MAGI2: variants seen among roughly 807,000 people sequenced by gnomAD.
The protein encoded by MAGI2 is membrane associated guanylate kinase, WW and PDZ domain containing 2, also known as membrane-associated guanylate kinase, WW and PDZ domain-containing protein 2.
Under a neutral mutation model 133.3 loss-of-function variants are expected in MAGI2, and 35 were observed. The observed-to-expected ratio is 0.26, with a 90% CI of 0.20 to 0.35. The LOEUF (loss-of-function observed/expected upper bound fraction) is 0.35, where lower values mean the gene tolerates loss of function less well. Ranked by LOEUF, MAGI2 falls within the 10% of genes least tolerant of loss-of-function variation. MAGI2 has a pLI of 1.00. For missense variants in MAGI2, 1,636 were observed against 1,863.4 expected, an observed-to-expected ratio of 0.88 and a Z score of 2.25; for synonymous variants, 729 against 710.6, an observed-to-expected ratio of 1.03 and a Z score of -0.41.
At chr7:79,200,698 G>A (rs570130619) in intron 1 of MAGI2, among the ~76,000 whole-genome samples, 41 of 151,778 alleles carry the variant, frequency 2.7e-4, no homozygotes, top group African/African-American at 9.7e-4. Context: ...TTGTTCCATT[G>A]AGAATATGGT....
rs1459723758 is a variant in MAGI2 at position 78,058,449 on chromosome 7, T to G, written c.3706+20498A>C. Among the ~76,000 whole-genome samples the G allele has an allele frequency of 2.2e-4, 34 of 151,444 alleles. 1 individual carries two copies. Among genetic ancestry groups the G allele is most frequent in the Admixed American group, 2.2e-3 (34 of 15,176 alleles). ...TGCAGTTGCTTGTTGTGAATCACTA[T>G]TTGAATGTTCACATACATCTTAAAA... is the stretch of plus-strand genomic sequence containing the variant. On this transcript the variant is annotated intron_variant, in intron 21 of 21. Coordinates refer to ENST00000354212, the MANE Select transcript of MAGI2 (RefSeq NM_012301.4).
chr7:79,283,790 T>C (rs1156342210), intron 1 of MAGI2, among the ~76,000 whole-genome samples: 2 of 152,162 alleles, frequency 1.3e-5, no homozygotes, highest in African/African-American at 2.4e-5. Flanking sequence ...TTTCTTTGGC[T>C]ACTTCCATGC....
At chr7:78,258,016 C>T (rs1334471368) in intron 9 of MAGI2, among the ~76,000 whole-genome samples, 2 of 152,186 alleles carry the variant, frequency 1.3e-5, no homozygotes, top group African/African-American at 4.8e-5. Flanking sequence ...AAACAATTAA[C>T]AGCATTGTCT....
chr7:78,692,077 T>TA (rs1563361821), intron 2 of MAGI2, among the ~76,000 whole-genome samples: 2 of 152,052 alleles, frequency 1.3e-5, no homozygotes, highest in African/African-American at 2.4e-5. Flanking sequence ...ATAAGGTCTT[T>TA]AAAAAAATCA....
rs556659887 is a variant in MAGI2, at chr7:79,245,557, G to T, written c.301+207463C>A. Among the ~76,000 whole-genome samples, 4 of 152,328 alleles carry T rather than the reference G, an allele frequency of 2.6e-5. No homozygotes were observed. In the South Asian group the frequency reaches 8.3e-4, roughly 32 times the overall value. Reference sequence around the variant, plus strand: ...GGAGACCCCTCTGCATGTGGAAAGGGATGGTAATAATGGGAAGGACTTTAT... The same window carrying T: ...GGAGACCCCTCTGCATGTGGAAAGGTATGGTAATAATGGGAAGGACTTTAT... On this transcript the variant is annotated intron_variant, in intron 1 of 21. Coordinates refer to ENST00000354212, the MANE Select transcript of MAGI2 (RefSeq NM_012301.4).
At chr7:78,534,482 T>C (rs1456828847) in intron 3 of MAGI2, among the ~76,000 whole-genome samples, 9 of 152,220 alleles carry the variant, frequency 5.9e-5, no homozygotes. Context: ...TATGTGTGTG[T>C]GCGTGTGCTC....
At chr7:78,541,420 C>G (rs1357574297) in intron 3 of MAGI2, among the ~76,000 whole-genome samples, 1 of 152,128 alleles carries the variant, frequency 6.6e-6, no homozygotes, top group African/African-American at 2.4e-5. Flanking sequence ...GTTTTCCCAG[C>G]CTCTAGAACA....
rs1426845082 is a variant in MAGI2 at position 78,131,151 on chromosome 7, G to C, written c.3203+1738C>G. Among the ~76,000 whole-genome samples the C allele has an allele frequency of 2.0e-5, 3 of 152,228 alleles. No individual in the cohort carries two copies. In the East Asian group the frequency reaches 5.8e-4, roughly 29 times the overall value. On this transcript the variant is annotated intron_variant, in intron 18 of 21. Transcript: ENST00000354212. ...CCTCTTGAGTCTAAGATGAATTCTG[G>C]GGAAAGCCAGTGCAATCTGTTGAAG...
intron 10 of MAGI2, among the ~76,000 whole-genome samples, chr7:78,202,454 G>T (rs1026437241): frequency 3.9e-5 from 6 of 151,902 alleles, no homozygotes; most frequent in African/African-American, 1.5e-4. Flanking sequence ...AGGCCGAGGC[G>T]GGCGGATTAC....
intron 18 of MAGI2, among the ~76,000 whole-genome samples, chr7:78,132,156 T>C (rs559510349): frequency 2.0e-4 from 30 of 152,302 alleles, no homozygotes; most frequent in African/African-American, 7.2e-4. Context: ...ATTATAGGCG[T>C]GAGCCACCAC....
At chr7:79,028,336 T>TACAC (rs748319312) in intron 1 of MAGI2, among the ~76,000 whole-genome samples, 1,578 of 124,444 alleles carry the variant, frequency 0.013, 76 homozygotes, top group African/African-American at 0.048. Flanking sequence ...TACATATATA[T>TACAC]ACACACACAC....
At chr7:78,592,098 A>G (rs1455074325) in intron 3 of MAGI2, among the ~76,000 whole-genome samples, 2 of 152,208 alleles carry the variant, frequency 1.3e-5, no homozygotes, top group African/African-American at 4.8e-5. Flanking sequence ...CATCTCACTA[A>G]TAGGGGTTCC....
At chr7:78,951,267 C>G (rs936637788) in intron 2 of MAGI2, among the ~76,000 whole-genome samples, 2 of 152,054 alleles carry the variant, frequency 1.3e-5, no homozygotes, top group African/African-American at 2.4e-5. Flanking sequence ...CTGCCACACC[C>G]GGCTGATGTT....
intron 2 of MAGI2, among the ~76,000 whole-genome samples, chr7:78,767,157 T>C (rs934078892): frequency 1.5e-4 from 23 of 151,908 alleles, no homozygotes; most frequent in Admixed American, 1.4e-3. Flanking sequence ...ACCTGGCTAA[T>C]TGTTTTGTAT....
At chr7:79,449,422 T>C (rs566402518) in intron 1 of MAGI2, among the ~76,000 whole-genome samples, 185 of 151,942 alleles carry the variant, frequency 1.2e-3, no homozygotes, top group African/African-American at 3.8e-3. Context: ...CCAGGTTATG[T>C]AGGTCTCTAT....
At chr7:79,444,835 A>C (rs1309366986) in intron 1 of MAGI2, among the ~76,000 whole-genome samples, 1 of 152,228 alleles carries the variant, frequency 6.6e-6, no homozygotes, top group African/African-American at 2.4e-5. Flanking sequence ...ATATGGAACC[A>C]AAAAAGAGCC....
chr7:79,070,034 A>C (rs1814800415), intron 1 of MAGI2, among the ~76,000 whole-genome samples: 1 of 152,044 alleles, frequency 6.6e-6, no homozygotes, highest in Non-Finnish European at 1.5e-5. Flanking sequence ...GCCTACCCTT[A>C]ACTTTTTTCC....
At chr7:78,359,800 A>T (rs543618867) in intron 7 of MAGI2, among the ~76,000 whole-genome samples, 1 of 152,342 alleles carries the variant, frequency 6.6e-6, no homozygotes, top group Admixed American at 6.5e-5. Context: ...TTACAGAAAA[A>T]AGGCCAAATT....
chr7:78,820,398 A>G (rs1789990501), intron 2 of MAGI2, among the ~76,000 whole-genome samples: 1 of 151,990 alleles, frequency 6.6e-6, no homozygotes, highest in Non-Finnish European at 1.5e-5. Flanking sequence ...CTGAAAGAAC[A>G]TTTAAAATGA....
Sources: gnomAD v4.1 joint callset for allele counts (sites outside exome capture counted in the v4.1 genomes callset) on GRCh38, gnomAD v4.1.1 for gene constraint, MANE v1.5 for transcripts, NCBI Gene and HGNC (gene_info 2026-07-23, HGNC 2026-07-21) for gene names.